The following CCN3 variants were observed in gnomAD, a reference collection of about 807,000 sequenced individuals.
CCN3 encodes the protein CCN family member 3.
In CCN3, 20 loss-of-function variants were observed where a neutral mutation model predicts 33.4. The ratio of observed to expected loss-of-function variants is 0.60; its 90% CI spans 0.42 to 0.87. CCN3 has a LOEUF of 0.87. Ranked by LOEUF, CCN3 falls within the 40% of genes least tolerant of loss-of-function variation. The pLI is 0.00. For missense variants in CCN3, 465 were observed against 455.3 expected (o/e 1.02, Z -0.19); for synonymous variants, 205 against 170.4 (o/e 1.20, Z -1.58).
At chr8:119,419,420 ACT>A in intron 4 of CCN3, 75 bp downstream of exon 4, 1 of 1,435,672 alleles carries the variant, frequency 7.0e-7, no homozygotes, top group East Asian at 2.3e-5. Context: ...TCAGAAAGTC[ACT>A]GTGTCACTCT....
At chr8:119,420,681 G>T (rs116908976) in intron 4 of CCN3, among the ~76,000 whole-genome samples, 11 of 152,234 alleles carry the variant, frequency 7.2e-5, no homozygotes, top group African/African-American at 1.2e-4. Flanking sequence ...TAGGAATGTT[G>T]TTATCCTGTA....
chr8:119,416,986 T>C lies in CCN3; in HGVS notation c.310+17T>C. On this transcript the variant is annotated intron_variant, in intron 2 of 4. Transcript: ENST00000259526. ...TCTGCACGGGTAATCCTGCTCCCTCTGCTGTTTGACCTCTTCTCCTGCAGC... is the reference window on the plus strand; with the variant it reads ...TCTGCACGGGTAATCCTGCTCCCTCCGCTGTTTGACCTCTTCTCCTGCAGC... The C allele has an allele frequency of 2.5e-6, 4 of 1,593,228 alleles. No individual in the cohort carries two copies. Among genetic ancestry groups the C allele is most frequent in the Non-Finnish European group, 3.4e-6 (4 of 1,165,882 alleles).
rs749436114 is a variant in CCN3, at chr8:119,422,990, CAG to C, written c.935_936del (p.Glu312ValfsTer27). 2.5e-6 allele frequency: 4 copies of C among 1,614,052 alleles called. No homozygotes were observed. The highest frequency in any genetic ancestry group is 1.3e-5 in the African/African-American group (1 of 74,910). Reference sequence around the variant, plus strand: ...CCCCACAATACCAAAACCATCCAGGCAGAGTTTCAGTGCTCCCCAGGGCAAAT... The same window carrying C: ...CCCCACAATACCAAAACCATCCAGGCAGTTTCAGTGCTCCCCAGGGCAAAT... On this transcript the variant is annotated frameshift_variant, in exon 5 of 5. Coordinates refer to ENST00000259526, the MANE Select transcript of CCN3 (RefSeq NM_002514.4). LOFTEE classifies it high-confidence loss of function.
At position 119,417,824 on chromosome 8, in the gene CCN3, C is replaced by T. The variant is rs76352596; in HGVS notation, c.311-234C>T. On this transcript the variant is annotated intron_variant, in intron 2 of 4. Coordinates refer to ENST00000259526, the MANE Select transcript of CCN3 (RefSeq NM_002514.4). The stretch of plus-strand genomic sequence containing the variant: ...CTTCACAGTTGCACACCTCTTTCCT[C>T]ATCCATAAAATGAGTGGCAAGACTA... Among the ~76,000 whole-genome samples the T allele has an allele frequency of 5.4e-3, 823 of 152,304 alleles. 2 individuals carry two copies. Among genetic ancestry groups the T allele is most frequent in the Middle Eastern group, 0.017 (5 of 294 alleles).
At chr8:119,421,878 T>C (rs1426493706) in intron 4 of CCN3, among the ~76,000 whole-genome samples, 2 of 152,250 alleles carry the variant, frequency 1.3e-5, no homozygotes, top group African/African-American at 4.8e-5. Flanking sequence ...TTATTTCTTG[T>C]ATGAATGAAC....
intron 2 of CCN3, among the ~76,000 whole-genome samples, chr8:119,417,359 G>T (rs1045446000): frequency 1.3e-5 from 2 of 152,248 alleles, no homozygotes; most frequent in African/African-American, 4.8e-5. Flanking sequence ...CTGCAGTTGG[G>T]GAAAACCCAG....
At position 119,422,938 on chromosome 8, in the gene CCN3, G is replaced by A; in HGVS notation, c.880G>A (p.Val294Ile). Residue 294 changes from valine (V) to isoleucine (I), a missense_variant, in exon 5 of 5, where the codon GTC becomes ATC. Coordinates refer to ENST00000259526, the MANE Select transcript of CCN3 (RefSeq NM_002514.4). Reference sequence around the variant, plus strand: ...CACCTACAAGCCCAGGTTCTGTGGGGTCTGCAGTGATGGCCGCTGCTGCAC... The same window carrying A: ...CACCTACAAGCCCAGGTTCTGTGGGATCTGCAGTGATGGCCGCTGCTGCAC... ...LHTYKPRFCG[V>I]CSDGRCCTPH... The A allele has an allele frequency of 6.2e-7, 1 of 1,614,086 alleles. No homozygotes were observed. Among genetic ancestry groups the A allele is most frequent in the Non-Finnish European group, 8.5e-7 (1 of 1,180,024 alleles).
chr8:119,416,916 G>GCCT lies in CCN3; in HGVS notation c.259_261dup (p.Leu87dup). The GCCT allele has an allele frequency of 6.2e-7, 1 of 1,614,036 alleles. No individual in the cohort carries two copies. Among genetic ancestry groups the GCCT allele is most frequent in the Non-Finnish European group, 8.5e-7 (1 of 1,180,018 alleles). On this transcript the variant is annotated inframe_insertion, in exon 2 of 5. Coordinates refer to ENST00000259526, the MANE Select transcript of CCN3 (RefSeq NM_002514.4). ...CTGGAGCCATGCGACGAGAGCAGTGGCCTCTACTGTGATCGCAGCGCGGAC... is the reference window on the plus strand; with the variant it reads ...CTGGAGCCATGCGACGAGAGCAGTGGCCTCCTCTACTGTGATCGCAGCGCGGAC...
intron 4 of CCN3, among the ~76,000 whole-genome samples, chr8:119,420,699 G>A (rs1478873376): frequency 1.3e-5 from 2 of 152,178 alleles, no homozygotes; most frequent in Non-Finnish European, 2.9e-5. Context: ...GTACCATTTT[G>A]TGGGTGTTGA....
At position 119,416,886 on chromosome 8, in the gene CCN3, C is replaced by T. The variant is rs955117686; in HGVS notation, c.227C>T (p.Ser76Leu). The change falls in exon 2 of 5, where the codon TCA becomes TTA. Residue 76 changes from serine (S) to leucine (L), a missense_variant. Coordinates refer to ENST00000259526, the MANE Select transcript of CCN3 (RefSeq NM_002514.4). ...GCCCGCCAGCGTGGCGAGAGCTGCT[C>T]AGATCTGGAGCCATGCGACGAGAGC... ...VCARQRGESC[S>L]DLEPCDESSG... The T allele has an allele frequency of 6.2e-7, 1 of 1,613,804 alleles. No individual in the cohort carries two copies. Among genetic ancestry groups the T allele is most frequent in the Non-Finnish European group, 8.5e-7 (1 of 1,180,032 alleles).
intron 4 of CCN3, among the ~76,000 whole-genome samples, chr8:119,422,168 GAGAA>G (rs1400289214): frequency 2.0e-5 from 3 of 152,010 alleles, no homozygotes; most frequent in African/African-American, 4.8e-5. Context: ...GAGAGAGAGA[GAGAA>G]AGAGAGAGAG....
intron 2 of CCN3, 34 bp downstream of exon 2, chr8:119,417,003 T>C (rs779851974): frequency 6.4e-7 from 1 of 1,553,828 alleles, no homozygotes; most frequent in South Asian, 1.2e-5. Flanking sequence ...TGACCTCTTC[T>C]CCTGCAGCTA....
chr8:119,422,201 A>C (rs962757726), intron 4 of CCN3, among the ~76,000 whole-genome samples: 1 of 152,128 alleles, frequency 6.6e-6, no homozygotes, highest in Non-Finnish European at 1.5e-5. Flanking sequence ...AAAGAGAGAG[A>C]GAGAGACAGT....
In CCN3 at chr8:119,416,793, C is replaced by G; in HGVS notation, c.134C>G (p.Ala45Gly). 6.3e-7 allele frequency: 1 copy of G among 1,599,820 alleles called. No individual in the cohort carries two copies. The highest frequency in any genetic ancestry group is 1.1e-5 in the South Asian group (1 of 89,602). Residue 45 changes from alanine (A) to glycine (G), a missense_variant, in exon 2 of 5, where the codon GCG (alanine) becomes GGG (glycine). Physicochemically the swap from Ala to Gly is moderately conservative, Grantham distance 60. Transcript: ENST00000259526. ...CPPQCPGRCP[A>G]TPPTCAPGVR... ...CCCCAGTGCCCGGGCCGGTGCCCTG[C>G]GACGCCGCCGACCTGCGCCCCCGGG...
At chr8:119,419,592 T>C (rs1165980312) in intron 4 of CCN3, among the ~76,000 whole-genome samples, 2 of 152,260 alleles carry the variant, frequency 1.3e-5, no homozygotes, top group Non-Finnish European at 2.9e-5. Flanking sequence ...CGGAAAACTA[T>C]AATGCTTTTC....
chr8:119,422,696 A>T, intron 4 of CCN3, 140 bp from the exon 5 acceptor site: 1 of 742,950 alleles, frequency 1.3e-6, no homozygotes, highest in Non-Finnish European at 2.2e-6. Flanking sequence ...TACATTGCTC[A>T]AGCAAAATTA....
chr8:119,422,759 A>T, intron 4 of CCN3, 77 bp from the exon 5 acceptor site: 2 of 1,175,692 alleles, frequency 1.7e-6, no homozygotes. Flanking sequence ...GGCAACTAGC[A>T]GGTAATTCCA....
chr8:119,422,074 G>A lies in CCN3; in HGVS notation c.778-762G>A, dbSNP rs544125018. On this transcript the variant is annotated intron_variant, in intron 4 of 4. Transcript: ENST00000259526. ...TGCCTTACAGTTACACATGGCTGGG[G>A]AAACTTCAGGAAACTTACAATCATG... Among the ~76,000 whole-genome samples, 125 of 152,236 alleles carry A rather than the reference G, an allele frequency of 8.2e-4. 1 individual carries two copies. Among genetic ancestry groups the A allele is most frequent in the African/African-American group, 3.0e-3 (123 of 41,538 alleles).
chr8:119,422,904 C>A lies in CCN3; in HGVS notation c.846C>A (p.Thr282=). ...TCCACCTGCAGTTCAAGAACTGCAC[C>A]AGCCTGCACACCTACAAGCCCAGGT... ...KAIHLQFKNC[T]SLHTYKPRFC... The change falls in exon 5 of 5, where the codon ACC becomes ACA. Residue 282 remains threonine (T), a synonymous_variant. Transcript: ENST00000259526. 2.5e-6 allele frequency: 4 copies of A among 1,614,018 alleles called. No individual in the cohort carries two copies. The highest frequency in any genetic ancestry group is 3.4e-6 in the Non-Finnish European group (4 of 1,179,958).
Sources: gnomAD v4.1 joint callset for allele counts (sites outside exome capture counted in the v4.1 genomes callset) on GRCh38, gnomAD v4.1.1 for gene constraint, MANE v1.5 for transcripts, NCBI Gene and HGNC (gene_info 2026-07-23, HGNC 2026-07-21) for gene names.